The following BMP2K variants were observed in gnomAD, a reference collection of about 807,000 sequenced individuals.
The protein encoded by BMP2K is BMP2 inducible kinase.
BMP2K carries 74 observed loss-of-function variants against 116.0 expected under a neutral mutation model. The ratio of observed to expected loss-of-function variants is 0.64; its 90% confidence interval spans 0.53 to 0.77. The LOEUF (loss-of-function observed/expected upper bound fraction) is 0.77. Ranked by LOEUF, BMP2K falls within the 30% of genes least tolerant of loss-of-function variation. The pLI, the probability that BMP2K is intolerant of heterozygous loss-of-function variation, is 0.00. For missense variants in BMP2K, 1,365 were observed against 1,403.6 expected (o/e 0.97, Z 0.44); for synonymous variants, 486 against 502.5 (o/e 0.97, Z 0.44).
intron 15 of BMP2K, among the ~76,000 whole-genome samples, chr4:78,909,877 G>T (rs1342923138): frequency 2.0e-5 from 3 of 152,122 alleles, no homozygotes; most frequent in Non-Finnish European, 4.4e-5. Context: ...TATTTCTTTC[G>T]TTGAATGAAC....
chr4:78,894,135 A>G (rs1733581004), intron 15 of BMP2K, among the ~76,000 whole-genome samples: 1 of 152,252 alleles, frequency 6.6e-6, no homozygotes, highest in Admixed American at 6.5e-5. Flanking sequence ...GAACACAAAC[A>G]GAGTAGTTTT....
intron 1 of BMP2K, among the ~76,000 whole-genome samples, chr4:78,789,565 C>T (rs181380681): frequency 5.9e-5 from 9 of 152,192 alleles, no homozygotes; most frequent in African/African-American, 1.4e-4. Flanking sequence ...AGGTGGAAGA[C>T]GTATTCTCAA....
chr4:78,794,965 T>G (rs1728181241), intron 1 of BMP2K, among the ~76,000 whole-genome samples: 1 of 152,226 alleles, frequency 6.6e-6, no homozygotes, highest in Admixed American at 6.5e-5. Flanking sequence ...AGTGTTTGCC[T>G]GTTTAGTTTG....
intron 1 of BMP2K, among the ~76,000 whole-genome samples, chr4:78,788,830 T>C (rs1354234039): frequency 6.6e-6 from 1 of 151,800 alleles, no homozygotes; most frequent in Non-Finnish European, 1.5e-5. Context: ...CATAAATTTC[T>C]AGCTTGAGAA....
At chr4:78,907,685 A>C (rs1734355938) in intron 15 of BMP2K, among the ~76,000 whole-genome samples, 1 of 152,146 alleles carries the variant, frequency 6.6e-6, no homozygotes, top group Admixed American at 6.6e-5. Flanking sequence ...TAATGAGCAT[A>C]CTCCAGGTGA....
rs1734935449 is a variant in BMP2K at position 78,915,156 on chromosome 4, G to C, written c.*3123G>C. 6.6e-6 allele frequency: 1 copy of C among 151,858 alleles called. No individual in the cohort carries two copies. Among genetic ancestry groups the C allele is most frequent in the Non-Finnish European group, 1.5e-5 (1 of 67,884 alleles). The allele number at this position is 151,858 out of a possible 1,614,324, so 9.4% of individuals were successfully genotyped here. ...TACCCCAATCCCTGTGTACGTGTTG[G>C]GTATAGTTACGACATTATCCGGATT... On this transcript the variant is annotated 3_prime_UTR_variant, in exon 16 of 16. Coordinates refer to ENST00000502613, the MANE Select transcript of BMP2K (RefSeq NM_198892.2).
chr4:78,895,279 C>T (rs567711270), intron 15 of BMP2K, among the ~76,000 whole-genome samples: 36 of 152,202 alleles, frequency 2.4e-4, no homozygotes, highest in African/African-American at 8.2e-4. Flanking sequence ...AATACAAAAA[C>T]GTACACCTGT....
At chr4:78,860,035 G>A (rs766825460) in intron 8 of BMP2K, 3 of 495,708 alleles carry the variant, frequency 6.1e-6, no homozygotes, top group South Asian at 4.6e-5. Flanking sequence ...TTTTTTCTTA[G>A]AAGTGTTGTA....
In BMP2K at chr4:78,872,659, C is replaced by G; in HGVS notation, c.1654C>G (p.Gln552Glu). The change falls in exon 13 of 16, where the codon CAA becomes GAA. Residue 552 changes from glutamine (Q) to glutamate (E), a missense_variant. Gln to Glu is a conservative substitution (Grantham distance 29). Around this residue, in one of 3 missense-constraint regions of BMP2K, gnomAD observed 762 missense variants for 756.7 expected, o/e 1.01. Coordinates refer to ENST00000502613, the MANE Select transcript of BMP2K (RefSeq NM_198892.2). ...QAFFQQQMLA[Q>E]HQPSQQQASP... ...TTTCTTTCAACAGCAGATGCTAGCT[C>G]AACATCAGCCGTCTCAACAACAGGC... is the stretch of plus-strand genomic sequence containing the variant. The G allele has an allele frequency of 6.2e-7, 1 of 1,614,106 alleles. No individual in the cohort carries two copies. Among genetic ancestry groups the G allele is most frequent in the Non-Finnish European group, 8.5e-7 (1 of 1,179,974 alleles).
chr4:78,861,258 A>G (rs924779446), intron 8 of BMP2K, 131 bp from the exon 9 acceptor site: 8 of 591,648 alleles, frequency 1.4e-5, no homozygotes, highest in African/African-American at 1.1e-4. Flanking sequence ...AATAATTTAT[A>G]GGTATCTGAT....
chr4:78,833,465 C>A, intron 2 of BMP2K, 117 bp from the exon 3 acceptor site: 1 of 671,192 alleles, frequency 1.5e-6, no homozygotes, highest in Non-Finnish European at 2.4e-6. Flanking sequence ...AGATTCTGTA[C>A]TCATGCCTAA....
chr4:78,815,594 A>G (rs568674871), intron 1 of BMP2K, among the ~76,000 whole-genome samples: 1 of 152,158 alleles, frequency 6.6e-6, no homozygotes, highest in South Asian at 2.1e-4. Context: ...TTTTTCTTCC[A>G]ATTTTGTTGT....
At chr4:78,865,760 T>G (rs1016870414) in intron 10 of BMP2K, 40 bp downstream of exon 10, 1 of 1,595,494 alleles carries the variant, frequency 6.3e-7, no homozygotes, top group Non-Finnish European at 8.6e-7. Context: ...TAAAGGTTAA[T>G]GTTAATAAAC....
chr4:78,859,966 A>G, intron 8 of BMP2K: 1 of 549,226 alleles, frequency 1.8e-6, no homozygotes, highest in Non-Finnish European at 3.4e-6. Context: ...GCACAAAACT[A>G]ATTTTATTAA....
At chr4:78,884,568 T>G (rs1162211464) in intron 14 of BMP2K, among the ~76,000 whole-genome samples, 1 of 152,192 alleles carries the variant, frequency 6.6e-6, no homozygotes, top group Admixed American at 6.5e-5. Flanking sequence ...CCCTTGGATA[T>G]TGACATGCTG....
rs747023700 is a variant in BMP2K, at chr4:78,872,596, T to G, written c.1609-18T>G. ...AGGACTGGAGCATTGTTTTGTATAA[T>G]ATCATTTCTTTTTTCAGATGCCGCA... On this transcript the variant is annotated intron_variant, in intron 12 of 15. Coordinates refer to ENST00000502613, the MANE Select transcript of BMP2K (RefSeq NM_198892.2). 6 of 1,611,110 alleles carry G rather than the reference T, an allele frequency of 3.7e-6. No homozygotes were observed. The highest frequency in any genetic ancestry group is 5.1e-6 in the Non-Finnish European group (6 of 1,178,576).
chr4:78,785,892 G>A (rs1310301188), intron 1 of BMP2K, among the ~76,000 whole-genome samples: 1 of 151,982 alleles, frequency 6.6e-6, no homozygotes, highest in African/African-American at 2.4e-5. Context: ...TCCTAAAATG[G>A]ACTTATGCTC....
chr4:78,877,228 A>T (rs939671851), intron 13 of BMP2K, among the ~76,000 whole-genome samples: 2 of 152,008 alleles, frequency 1.3e-5, no homozygotes, highest in Non-Finnish European at 2.9e-5. Flanking sequence ...TTTATATAAA[A>T]TTTTTTTCTT....
In BMP2K at chr4:78,817,246, A is replaced by T. The variant is rs556316341; in HGVS notation, c.179-8791A>T. 5.9e-5 allele frequency among the ~76,000 whole-genome samples: 9 copies of T among 152,318 alleles called. No homozygotes were observed. In the South Asian group the frequency reaches 1.4e-3, roughly 25 times the overall value. ...TATCCAACAATTCCATTCAATTCTG[A>T]CACTTAACTGTTCAGAGTTAGCACA... On this transcript the variant is annotated intron_variant, in intron 1 of 15. Coordinates refer to ENST00000502613, the MANE Select transcript of BMP2K (RefSeq NM_198892.2).
Sources: allele counts gnomAD v4.1 joint callset (sites outside exome capture counted in the v4.1 genomes callset), GRCh38; gene constraint gnomAD v4.1.1; regional missense constraint gnomAD v4.1.1; transcripts MANE v1.5; gene names NCBI Gene and HGNC (gene_info 2026-07-23, HGNC 2026-07-21).